The following PAM variants were observed in gnomAD, a reference collection of about 807,000 sequenced individuals.
PAM encodes peptidyl-glycine alpha-amidating monooxygenase.
In PAM, 72 loss-of-function variants were observed where a neutral mutation model predicts 122.1. The observed-to-expected ratio is 0.59, with a 90% CI of 0.49 to 0.72. PAM has a LOEUF of 0.72. Ranked by LOEUF, PAM falls within the 30% of genes least tolerant of loss-of-function variation. PAM has a pLI of 0.00. For missense variants in PAM, 1,106 were observed against 1,183.7 expected (o/e 0.93, Z 0.96); for synonymous variants, 389 against 404.4 (o/e 0.96, Z 0.46).
chr5:102,831,129 C>G (rs1401911895), intron 1 of PAM, among the ~76,000 whole-genome samples: 4 of 152,108 alleles, frequency 2.6e-5, no homozygotes, highest in Non-Finnish European at 4.4e-5. Context: ...TGTGGCACAG[C>G]CTGGACTAGA....
intron 1 of PAM, among the ~76,000 whole-genome samples, chr5:102,812,363 A>G (rs1482382255): frequency 6.6e-6 from 1 of 152,112 alleles, no homozygotes; most frequent in Admixed American, 6.6e-5. Flanking sequence ...TAGTAGCTGT[A>G]TTTTAACTTC....
intron 3 of PAM, among the ~76,000 whole-genome samples, chr5:102,883,643 T>A (rs1417173675): frequency 1.3e-5 from 2 of 152,028 alleles, no homozygotes; most frequent in African/African-American, 4.8e-5. Flanking sequence ...AAGTATACGA[T>A]CATTTCATCA....
intron 10 of PAM, 29 bp from the exon 11 acceptor site, chr5:102,949,873 T>G (rs776407838): frequency 9.4e-6 from 11 of 1,164,654 alleles, no homozygotes; most frequent in African/African-American, 1.5e-5. Flanking sequence ...CTTATTATAT[T>G]AAATGATTAA....
chr5:103,004,193 T>A, intron 17 of PAM, among the ~76,000 whole-genome samples: 1 of 152,206 alleles, frequency 6.6e-6, no homozygotes, highest in South Asian at 2.1e-4. Flanking sequence ...TTCTCAAGAT[T>A]GTGTGTCAGG....
intron 1 of PAM, among the ~76,000 whole-genome samples, chr5:102,855,315 T>G (rs1413214211): frequency 1.3e-5 from 2 of 152,228 alleles, no homozygotes; most frequent in Non-Finnish European, 2.9e-5. Context: ...TTTTAAGTAC[T>G]GTAATAATAC....
chr5:102,799,909 G>A (rs1246697384), intron 1 of PAM, among the ~76,000 whole-genome samples: 1 of 152,212 alleles, frequency 6.6e-6, no homozygotes, highest in Non-Finnish European at 1.5e-5. Flanking sequence ...AGGATGGAGA[G>A]ATTGGTTATC....
intron 21 of PAM, among the ~76,000 whole-genome samples, chr5:103,016,089 G>A (rs1213774081): frequency 2.0e-5 from 3 of 152,046 alleles, no homozygotes; most frequent in East Asian, 1.9e-4. Context: ...TGACAAGCCC[G>A]CAGGATTTCA....
chr5:102,953,386 G>C (rs916525431), intron 12 of PAM, among the ~76,000 whole-genome samples: 2 of 152,142 alleles, frequency 1.3e-5, no homozygotes, highest in Admixed American at 6.6e-5. Context: ...TACAAGGAGG[G>C]GGGGGAATCC....
intron 1 of PAM, among the ~76,000 whole-genome samples, chr5:102,827,194 A>AT (rs1773916375): frequency 6.6e-6 from 1 of 152,208 alleles, no homozygotes; most frequent in South Asian, 2.1e-4. Flanking sequence ...TTAATCCAGA[A>AT]ATCTGAAATC....
At chr5:102,793,133 AT>A (rs901075381) in intron 1 of PAM, among the ~76,000 whole-genome samples, 8 of 152,040 alleles carry the variant, frequency 5.3e-5, no homozygotes, top group African/African-American at 1.9e-4. Flanking sequence ...GAATGTGTGA[AT>A]TTTTTATAGA....
chr5:103,030,680 G>A (rs951244010), downstream of PAM: 13 of 152,216 alleles, frequency 8.5e-5, no homozygotes, highest in African/African-American at 3.1e-4. Flanking sequence ...TATCGAGTCA[G>A]AGAATGCACT....
chr5:103,024,748 A>G (rs1261456377), intron 23 of PAM, among the ~76,000 whole-genome samples: 2 of 152,158 alleles, frequency 1.3e-5, no homozygotes, highest in Admixed American at 1.3e-4. Flanking sequence ...TACGGCTAGT[A>G]TATAGGAGAA....
At position 102,834,094 on chromosome 5, in the gene PAM, TTATGAA is replaced by T. The variant is rs1776229647; in HGVS notation, c.-373-31724_-373-31719del. 3.3e-5 allele frequency among the ~76,000 whole-genome samples: 5 copies of T among 152,294 alleles called. No individual in the cohort carries two copies. In the South Asian group the frequency reaches 1.0e-3, roughly 32 times the overall value. The stretch of plus-strand genomic sequence containing the variant: ...TTGATATTTGGTCACATAAAAGGTT[TTATGAA>T]TATGTTGGAACTTGCCTGAATTTAA... On this transcript the variant is annotated intron_variant, in intron 1 of 25. Coordinates refer to ENST00000438793, the MANE Select transcript of PAM (RefSeq NM_001177306.2).
chr5:102,978,852 T>C (rs1768667923), intron 15 of PAM, among the ~76,000 whole-genome samples: 1 of 151,526 alleles, frequency 6.6e-6, no homozygotes, highest in African/African-American at 2.4e-5. Flanking sequence ...AAAACACCTA[T>C]ACATAGCACT....
chr5:102,878,733 T>TA (rs891569970), intron 3 of PAM, among the ~76,000 whole-genome samples: 48 of 144,314 alleles, frequency 3.3e-4, no homozygotes, highest in East Asian at 2.0e-3. Context: ...ATGTTTAAAG[T>TA]AAAAAAAAAA....
At chr5:102,899,777 A>G (rs776565104) in intron 3 of PAM, among the ~76,000 whole-genome samples, 20 of 151,678 alleles carry the variant, frequency 1.3e-4, no homozygotes, top group Non-Finnish European at 2.5e-4. Context: ...TGTGAAGTGA[A>G]CCTAACTTTG....
At chr5:102,933,598 G>A (rs1302199837) in intron 7 of PAM, among the ~76,000 whole-genome samples, 1 of 152,218 alleles carries the variant, frequency 6.6e-6, no homozygotes, top group African/African-American at 2.4e-5. Flanking sequence ...AACCACAACT[G>A]AAAGAGTAGT....
chr5:102,787,099 T>C (rs575234189), intron 1 of PAM, among the ~76,000 whole-genome samples: 1 of 152,288 alleles, frequency 6.6e-6, no homozygotes, highest in South Asian at 2.1e-4. Flanking sequence ...AATTTAGAAA[T>C]CATTATGCTG....
intron 5 of PAM, among the ~76,000 whole-genome samples, chr5:102,920,618 C>T (rs181248023): frequency 1.3e-5 from 2 of 152,198 alleles, no homozygotes; most frequent in East Asian, 3.9e-4. Context: ...GAATATCTGA[C>T]TCATACTGAA....
Sources: allele counts gnomAD v4.1 joint callset (sites outside exome capture counted in the v4.1 genomes callset), GRCh38; gene constraint gnomAD v4.1.1; transcripts MANE v1.5; gene names NCBI Gene and HGNC (gene_info 2026-07-23, HGNC 2026-07-21).